Variants in UPF3A observed in about 807,000 individuals in gnomAD.
UPF3A encodes UPF3A regulator of nonsense mediated mRNA decay, also known as regulator of nonsense transcripts 3A.
Under a neutral mutation model 53.5 loss-of-function variants are expected in UPF3A, and 42 were observed. The observed-to-expected ratio is 0.78, with a 90% CI of 0.61 to 1.01. The LOEUF (loss-of-function observed/expected upper bound fraction) is 1.01. UPF3A is among the 50% of genes least tolerant of loss of function. UPF3A has a pLI of 0.00. For missense variants in UPF3A, 575 were observed against 598.0 expected, an observed-to-expected ratio of 0.96 and a Z score of 0.40; for synonymous variants, 237 against 225.3, an observed-to-expected ratio of 1.05 and a Z score of -0.47.
At chr13:114,283,712 C>G in intron 3 of UPF3A, 2 of 977,220 alleles carry the variant, frequency 2.0e-6, no homozygotes, top group Non-Finnish European at 2.4e-6. Context: ...CAGTCTTCAA[C>G]TCTACTCTCA....
intron 5 of UPF3A, among the ~76,000 whole-genome samples, chr13:114,290,501 T>C (rs1279559845): frequency 6.6e-6 from 1 of 152,142 alleles, no homozygotes; most frequent in Non-Finnish European, 1.5e-5. Flanking sequence ...ATTTGTGTCC[T>C]TGTGTTGGTG....
chr13:114,304,827 C>G lies in UPF3A; in HGVS notation c.1341C>G (p.Arg447=). ...TGCAGCTGTATGATCCAGGAGCTCG[C>G]TTCCGAGCGCGAGAGTGTGGCGGAA... ...PALQLYDPGA[R]FRARECGGNR... is the part of the protein sequence containing the mutation. Residue 447 remains arginine, a synonymous_variant, in exon 10 of 10, where the codon CGC becomes CGG. Coordinates refer to ENST00000375299, the MANE Select transcript of UPF3A (RefSeq NM_023011.4). The G allele has an allele frequency of 6.2e-7, 1 of 1,613,898 alleles. No individual in the cohort carries two copies.
intron 8 of UPF3A, among the ~76,000 whole-genome samples, 172 bp downstream of exon 8, chr13:114,299,172 C>T (rs1430980545): frequency 6.6e-6 from 1 of 152,160 alleles, no homozygotes; most frequent in East Asian, 1.9e-4. Flanking sequence ...GTAGTGAACT[C>T]GTCTTGTCTG....
chr13:114,283,693 C>T, intron 3 of UPF3A: 2 of 911,054 alleles, frequency 2.2e-6, no homozygotes, highest in Non-Finnish European at 2.6e-6. Context: ...GCTTTGCCTG[C>T]GGAGACAGCA....
chr13:114,299,606 C>G (rs950475842), intron 8 of UPF3A, among the ~76,000 whole-genome samples: 1 of 152,192 alleles, frequency 6.6e-6, no homozygotes, highest in African/African-American at 2.4e-5. Context: ...CAGTGCAGCT[C>G]TATGGAGGGA....
chr13:114,282,663 C>G (rs1455788106), intron 2 of UPF3A, 174 bp from the exon 3 acceptor site: 3 of 985,304 alleles, frequency 3.0e-6, no homozygotes, highest in Non-Finnish European at 3.6e-6. Flanking sequence ...GTAAAGTTAA[C>G]GTTTTGCGTT....
intron 5 of UPF3A, among the ~76,000 whole-genome samples, chr13:114,290,741 T>C (rs1404184326): frequency 6.6e-6 from 1 of 151,022 alleles, no homozygotes; most frequent in East Asian, 1.9e-4. Flanking sequence ...TTTCTTTTTT[T>C]TTTTTTTTTG....
intron 9 of UPF3A, among the ~76,000 whole-genome samples, chr13:114,304,393 G>A (rs2086855896): frequency 6.6e-6 from 1 of 152,210 alleles, no homozygotes; most frequent in Admixed American, 6.5e-5. Flanking sequence ...CTCCCTGCTG[G>A]TACATGCTAG....
chr13:114,288,817 A>C (rs2084991347), intron 5 of UPF3A, among the ~76,000 whole-genome samples: 1 of 152,214 alleles, frequency 6.6e-6, no homozygotes, highest in African/African-American at 2.4e-5. Context: ...ACAAGGGAAC[A>C]TGAGGGTAGG....
intron 8 of UPF3A, among the ~76,000 whole-genome samples, chr13:114,300,961 C>T (rs560587633): frequency 6.5e-4 from 98 of 151,914 alleles, no homozygotes; most frequent in African/African-American, 2.2e-3. Flanking sequence ...CAGGCACATG[C>T]CACCACACCT....
chr13:114,282,470 C>G (rs1481587465), intron 2 of UPF3A: 2 of 985,290 alleles, frequency 2.0e-6, no homozygotes, highest in Non-Finnish European at 2.4e-6. Flanking sequence ...GGCGCCGGCT[C>G]TTCCTGTGGC....
chr13:114,291,813 C>A, intron 7 of UPF3A, 21 bp downstream of exon 7: 1 of 1,564,598 alleles, frequency 6.4e-7, no homozygotes, highest in African/African-American at 1.4e-5. Context: ...GGAAACATTT[C>A]CTTTTTCCAA....
At chr13:114,282,636 G>A (rs1454947769) in intron 2 of UPF3A, 1 of 985,372 alleles carries the variant, frequency 1.0e-6, no homozygotes, top group Non-Finnish European at 1.2e-6. Flanking sequence ...GTGGAGAAGG[G>A]ACCTGAGTTC....
chr13:114,301,584 G>C, intron 8 of UPF3A, 147 bp from the exon 9 acceptor site: 2 of 653,082 alleles, frequency 3.1e-6, no homozygotes, highest in South Asian at 4.4e-5. Flanking sequence ...AACGCCTGCT[G>C]TGTGCCCATC....
chr13:114,282,036 C>T lies in UPF3A; in HGVS notation c.223C>T (p.Leu75=), dbSNP rs1182649250. 1.3e-6 allele frequency: 2 copies of T among 1,562,806 alleles called. No individual in the cohort carries two copies. The highest frequency in any genetic ancestry group is 1.2e-5 in the South Asian group (1 of 85,394). ...TALSKVVIRR[L]PPGLTKEQLE... is the part of the protein sequence containing the mutation. ...CTCCCCGCAGGTGGTCATCCGCCGC[C>T]TGCCTCCGGGCCTCACCAAGGAGCA... Residue 75 remains leucine (L), a synonymous_variant, in exon 2 of 10, where the codon CTG becomes TTG. Coordinates refer to ENST00000375299, the MANE Select transcript of UPF3A (RefSeq NM_023011.4).
chr13:114,290,944 A>G (rs2085214560), intron 5 of UPF3A, among the ~76,000 whole-genome samples: 1 of 151,982 alleles, frequency 6.6e-6, no homozygotes, highest in South Asian at 2.1e-4. Context: ...TAGGTTGGTC[A>G]GGCTGGTCTC....
intron 8 of UPF3A, among the ~76,000 whole-genome samples, chr13:114,300,194 A>G (rs745606668): frequency 2.4e-4 from 37 of 152,190 alleles, no homozygotes; most frequent in African/African-American, 8.7e-4. Flanking sequence ...TTCATTTAAT[A>G]TTCTGATAAA....
Position 114,305,007 on chromosome 13 carries a change from T to C in UPF3A, c.*90T>C, listed in dbSNP as rs780721221. ...GAGTGTGACTGGGAAGGAGAACTTA[T>C]TCCTTACCAGGAAACTGGAAGCTAA... On this transcript the variant is annotated 3_prime_UTR_variant, in exon 10 of 10. Transcript: ENST00000375299. 7 of 1,482,800 alleles carry C rather than the reference T, an allele frequency of 4.7e-6. No homozygotes were observed. The highest frequency in any genetic ancestry group is 1.2e-5 in the South Asian group (1 of 82,552). The allele number at this position is 1,482,800 out of a possible 1,614,324, so 91.9% of individuals were successfully genotyped here. A position where few individuals can be genotyped will look rare whatever the true frequency, so the allele number is the denominator to read the frequency against.
At chr13:114,303,324 C>T (rs1221606404) in intron 9 of UPF3A, among the ~76,000 whole-genome samples, 2 of 152,094 alleles carry the variant, frequency 1.3e-5, no homozygotes, top group East Asian at 1.9e-4. Flanking sequence ...GTGTTTCCCC[C>T]GACCTGAGGT....
Sources: gnomAD v4.1 joint callset for allele counts (sites outside exome capture counted in the v4.1 genomes callset) on GRCh38, gnomAD v4.1.1 for gene constraint, MANE v1.5 for transcripts, NCBI Gene and HGNC (gene_info 2026-07-23, HGNC 2026-07-21) for gene names.